The following DNAH7 variants were observed in gnomAD, a reference collection of about 807,000 sequenced individuals.
DNAH7 encodes dynein axonemal heavy chain 7, also known as axonemal beta dynein heavy chain 7.
A neutral mutation model predicts 444.6 loss-of-function variants in DNAH7; 397 were observed. The observed-to-expected ratio is 0.89, with a 90% CI of 0.82 to 0.97. The LOEUF (loss-of-function observed/expected upper bound fraction) is 0.97, where lower values mean the gene tolerates loss of function less well. Ranked by LOEUF, DNAH7 falls within the 50% of genes least tolerant of loss-of-function variation. DNAH7 has a pLI of 0.00. For missense variants in DNAH7, 4,902 were observed against 4,800.8 expected, an observed-to-expected ratio of 1.02 and a Z score of -0.62; for synonymous variants, 1,636 against 1,624.4, an observed-to-expected ratio of 1.01 and a Z score of -0.17.
chr2:195,872,592 A>T (rs1258676532), intron 39 of DNAH7, 123 bp from the exon 40 acceptor site: 1 of 518,056 alleles, frequency 1.9e-6, no homozygotes, highest in South Asian at 3.2e-5. Context: ...TTCATTTATA[A>T]AATTACCATA....
At chr2:195,811,183 T>C (rs1688379955) in intron 51 of DNAH7, among the ~76,000 whole-genome samples, 1 of 152,162 alleles carries the variant, frequency 6.6e-6, no homozygotes, top group South Asian at 2.1e-4. Context: ...CTGATGGAAT[T>C]GTGTGTTTGA....
chr2:196,058,030 T>G lies in DNAH7; in HGVS notation c.78+24A>C, dbSNP rs766594977. 1.4e-5 allele frequency: 21 copies of G among 1,460,644 alleles called. No homozygotes were observed. In the South Asian group the frequency reaches 3.2e-4, roughly 22 times the overall value. 90.5% of individuals were successfully genotyped at this position (1,460,644 alleles called of 1,614,324 possible). ...CAAACATTATCATAAAGGAATGAAG[T>G]ATGATGGTATATTGGTAAATTACCA... On this transcript the variant is annotated intron_variant, in intron 2 of 64. Coordinates refer to ENST00000312428, the MANE Select transcript of DNAH7 (RefSeq NM_018897.3).
At chr2:195,969,620 T>C (rs1691710033) in intron 17 of DNAH7, among the ~76,000 whole-genome samples, 1 of 152,202 alleles carries the variant, frequency 6.6e-6, no homozygotes, top group Non-Finnish European at 1.5e-5. Flanking sequence ...ATCATTTGCC[T>C]GCTTCTGCTC....
chr2:195,799,445 T>C lies in DNAH7; in HGVS notation c.10204A>G (p.Ile3402Val). The C allele has an allele frequency of 1.3e-6, 2 of 1,599,390 alleles. No homozygotes were observed. Among genetic ancestry groups the C allele is most frequent in the Non-Finnish European group, 1.7e-6 (2 of 1,173,902 alleles). Residue 3402 changes from isoleucine (I) to valine (V), a missense_variant, in exon 55 of 65, where the codon ATC (isoleucine) becomes GTC (valine). Physicochemically the swap from Ile to Val is conservative, Grantham distance 29. Transcript: ENST00000312428. ...ATGAATGCACGTCCCAATCTGTTGA[T>C]TATAAATTCCTGCAACATTGGAATA... ...KVIPMLQEFIINRLGRAFIEP... is the reference protein window; with the variant it reads ...KVIPMLQEFIVNRLGRAFIEP...
rs1197124360 is a variant in DNAH7, at chr2:195,799,370, AG to A, written c.10278del (p.Cys3427ValfsTer4). 2 of 1,612,724 alleles carry A rather than the reference AG, an allele frequency of 1.2e-6. No homozygotes were observed. Among genetic ancestry groups the A allele is most frequent in the Non-Finnish European group, 1.7e-6 (2 of 1,179,346 alleles). ...GAGAGCACGAAAATCAGTGGTGCACAGCAGTTACTGTCTCCAAATGCCTTGG... is the reference window on the plus strand; with the variant it reads ...GAGAGCACGAAAATCAGTGGTGCACACAGTTACTGTCTCCAAATGCCTTGG... ...DLAKAFGDSN[C>X]CAPLIFVLSP... On this transcript the variant is annotated frameshift_variant, in exon 55 of 65. Transcript: ENST00000312428. LOFTEE classifies it high-confidence loss of function.
Position 195,891,648 on chromosome 2 carries a change from A to G in DNAH7, c.5046+7T>C. 1 of 1,573,038 alleles carries G rather than the reference A, an allele frequency of 6.4e-7. No homozygotes were observed. Among genetic ancestry groups the G allele is most frequent in the African/African-American group, 1.4e-5 (1 of 73,180 alleles). On this transcript the variant is annotated splice_region_variant and intron_variant, in intron 31 of 64. Transcript: ENST00000312428. ...TAAGATATGCATGTGAAAGTGTTAG[A>G]ACTTACCACTGAAGAGGCAAATGCT...
At chr2:195,967,889 T>G (rs1156665761) in intron 17 of DNAH7, among the ~76,000 whole-genome samples, 1 of 152,192 alleles carries the variant, frequency 6.6e-6, no homozygotes, top group Non-Finnish European at 1.5e-5. Flanking sequence ...TTCTCCAGGT[T>G]TGGTGTTCTA....
At chr2:195,843,061 T>C (rs1698784116) in intron 47 of DNAH7, among the ~76,000 whole-genome samples, 2 of 152,178 alleles carry the variant, frequency 1.3e-5, no homozygotes, top group East Asian at 1.9e-4. Flanking sequence ...AAGCAGCAAA[T>C]ATTTGACTAT....
chr2:195,858,764 C>T lies in DNAH7; in HGVS notation c.7777G>A (p.Glu2593Lys), dbSNP rs768156038. The T allele has an allele frequency of 1.2e-6, 2 of 1,613,060 alleles. No individual in the cohort carries two copies. The highest frequency in any genetic ancestry group is 1.7e-5 in the Admixed American group (1 of 59,786). Reference sequence around the variant, plus strand: ...TGAGATGAAGCAGAATCCAGTTTCTCCAAACCCACTTCATATCTCTTTTTC... The same window carrying T: ...TGAGATGAAGCAGAATCCAGTTTCTTCAAACCCACTTCATATCTCTTTTTC... ...KMKKRYEVGL[E>K]KLDSASSQVA... is the part of the protein sequence containing the mutation. The change falls in exon 43 of 65, where the codon GAG (glutamate) becomes AAG (lysine). Residue 2593 changes from glutamate to lysine, a missense_variant. Physicochemically the swap from Glu to Lys is moderately conservative, Grantham distance 56. Transcript: ENST00000312428.
In DNAH7 at chr2:195,895,048, A is replaced by C. The variant is rs555003330; in HGVS notation, c.4824T>G (p.Val1608=). Reference sequence around the variant, plus strand: ...TAGTTTTTCCTCCAAATGGTTCTCCAACAATCATAAAACCATGACGCACAA... The same window carrying C: ...TAGTTTTTCCTCCAAATGGTTCTCCCACAATCATAAAACCATGACGCACAA... ...MMIVRHGFMI[V]GEPFGGKTSA... Residue 1608 remains valine, a synonymous_variant, in exon 30 of 65, where the codon GTT becomes GTG. Transcript: ENST00000312428. The C allele has an allele frequency of 6.2e-7, 1 of 1,613,560 alleles. No homozygotes were observed. The highest frequency in any genetic ancestry group is 8.5e-7 in the Non-Finnish European group (1 of 1,179,628).
chr2:195,870,316 A>T lies in DNAH7; in HGVS notation c.6633+1934T>A, dbSNP rs922354106. The stretch of plus-strand genomic sequence containing the variant: ...GAACAAAGCAAGGTAAGCAGTAAAA[A>T]ATCAAGGGGGGTAGGGATGGCCCAA... On this transcript the variant is annotated intron_variant, in intron 40 of 64. Transcript: ENST00000312428. Among the ~76,000 whole-genome samples, 8 of 152,190 alleles carry T rather than the reference A, an allele frequency of 5.3e-5. No homozygotes were observed. In the East Asian group the frequency reaches 1.5e-3, roughly 29 times the overall value.
rs1692717573 is a variant in DNAH7, at chr2:195,737,750, TTAA to T, written c.*168_*170del. 1 of 589,526 alleles carries T rather than the reference TTAA, an allele frequency of 1.7e-6. No homozygotes were observed. The highest frequency in any genetic ancestry group is 1.9e-5 in the African/African-American group (1 of 53,822). 36.5% of individuals were successfully genotyped at this position (589,526 alleles called of 1,614,324 possible). On this transcript the variant is annotated 3_prime_UTR_variant, in exon 65 of 65. Coordinates refer to ENST00000312428, the MANE Select transcript of DNAH7 (RefSeq NM_018897.3). ...TTTATTTCAGAACATTTCCTTACATTTAAGTATGAGTCATATTAAGTTTAGCTG... is the reference window on the plus strand; with the variant it reads ...TTTATTTCAGAACATTTCCTTACATTGTATGAGTCATATTAAGTTTAGCTG...
intron 61 of DNAH7, among the ~76,000 whole-genome samples, chr2:195,766,245 C>T (rs1694583337): frequency 1.5e-5 from 2 of 135,678 alleles, no homozygotes; most frequent in South Asian, 4.8e-4. Context: ...ACAATCTTGG[C>T]TCACTGCAAC....
chr2:195,934,456 T>G, intron 21 of DNAH7, 135 bp downstream of exon 21: 1 of 962,974 alleles, frequency 1.0e-6, no homozygotes, highest in Non-Finnish European at 1.5e-6. Context: ...TGCCTTCAAG[T>G]TATCTATCAC....
chr2:195,997,324 C>A (rs756440210), intron 12 of DNAH7, among the ~76,000 whole-genome samples: 1 of 152,052 alleles, frequency 6.6e-6, no homozygotes, highest in Non-Finnish European at 1.5e-5. Context: ...CCATCCTGGC[C>A]AACCTGGTGA....
At chr2:196,047,231 C>T (rs1697189019) in intron 5 of DNAH7, 121 bp downstream of exon 5, 1 of 751,458 alleles carries the variant, frequency 1.3e-6, no homozygotes, top group Admixed American at 3.4e-5. Flanking sequence ...TATACTCTGA[C>T]CTCATTCCAA....
intron 5 of DNAH7, among the ~76,000 whole-genome samples, chr2:196,036,965 T>C (rs1428147474): frequency 6.6e-6 from 1 of 152,000 alleles, no homozygotes; most frequent in Non-Finnish European, 1.5e-5. Context: ...ACACCCCTCC[T>C]GGGACCCAGA....
At position 196,012,830 on chromosome 2, in the gene DNAH7, T is replaced by C; in HGVS notation, c.946A>G (p.Ile316Val). Residue 316 changes from isoleucine to valine, a missense_variant, in exon 10 of 65, where the codon ATC (isoleucine) becomes GTC (valine). By Grantham distance (29) the Ile-to-Val change is conservative. Transcript: ENST00000312428. ...ALELSSFQNI[I>V]MRHMDSAKET... ...TTGGCAGAGTCCATGTGTCTCATGA[T>C]AATGTTCTGAAAACTTGACAGCTCT... is the stretch of plus-strand genomic sequence containing the variant. The C allele has an allele frequency of 6.3e-7, 1 of 1,584,364 alleles. No individual in the cohort carries two copies. The highest frequency in any genetic ancestry group is 1.2e-5 in the South Asian group (1 of 85,174).
At chr2:195,778,618 G>GGAAAAAAAAAAAAAAAAAAAAAA (rs1365539221) in intron 58 of DNAH7, among the ~76,000 whole-genome samples, 2 of 21,790 alleles carry the variant, frequency 9.2e-5, no homozygotes, top group Admixed American at 7.6e-4. Context: ...GACCCTGTCT[G>GGAAAAAAAAAAAAAAAAAAAAAA]AAAAAAAAAA....
Sources: allele counts gnomAD v4.1 joint callset (sites outside exome capture counted in the v4.1 genomes callset), GRCh38; gene constraint gnomAD v4.1.1; transcripts MANE v1.5; gene names NCBI Gene and HGNC (gene_info 2026-07-23, HGNC 2026-07-21).